Variants in UBE2G1 observed in about 807,000 individuals in gnomAD.
The protein encoded by UBE2G1 is ubiquitin conjugating enzyme E2 G1, also known as ubiquitin-conjugating enzyme E2 G1.
In UBE2G1, 5 loss-of-function variants were observed where a neutral mutation model predicts 22.7. The observed-to-expected ratio is 0.22, with a 90% CI of 0.12 to 0.46. The LOEUF (loss-of-function observed/expected upper bound fraction) is 0.46. UBE2G1 is among the 20% of genes least tolerant of loss of function. The pLI is 0.99. For missense variants in UBE2G1, 88 were observed against 203.9 expected, an observed-to-expected ratio of 0.43 and a Z score of 3.46; for synonymous variants, 74 against 67.5, an observed-to-expected ratio of 1.10 and a Z score of -0.47.
intron 5 of UBE2G1, among the ~76,000 whole-genome samples, chr17:4,274,101 C>T (rs1011820629): frequency 6.6e-6 from 1 of 151,724 alleles, no homozygotes; most frequent in African/African-American, 2.4e-5. Context: ...CTGCCTCAGC[C>T]TCCCGAGTAG....
chr17:4,283,431 T>C (rs890209194), intron 4 of UBE2G1, among the ~76,000 whole-genome samples: 5 of 152,118 alleles, frequency 3.3e-5, no homozygotes, highest in Non-Finnish European at 4.4e-5. Context: ...ACTGGGGAAG[T>C]GGAGCTTGCT....
intron 1 of UBE2G1, among the ~76,000 whole-genome samples, chr17:4,329,810 G>T: frequency 7.4e-6 from 1 of 134,398 alleles, no homozygotes; most frequent in Non-Finnish European, 1.5e-5. Flanking sequence ...TTGCCATTAG[G>T]CTTTTTTAAA....
chr17:4,284,845 T>C (rs1347897693), intron 4 of UBE2G1, among the ~76,000 whole-genome samples: 55 of 97,698 alleles, frequency 5.6e-4, no homozygotes, highest in African/African-American at 1.2e-3. Context: ...TTTCTTTTTT[T>C]TTTTTTTTTT....
chr17:4,291,076 G>A (rs544445123), intron 3 of UBE2G1, among the ~76,000 whole-genome samples: 2 of 152,196 alleles, frequency 1.3e-5, no homozygotes, highest in South Asian at 2.1e-4. Flanking sequence ...GAATAACACC[G>A]AGGGCCGGGC....
chr17:4,317,864 G>A (rs1004350818), intron 1 of UBE2G1, among the ~76,000 whole-genome samples: 1 of 152,156 alleles, frequency 6.6e-6, no homozygotes, highest in Admixed American at 6.5e-5. Context: ...GTCGCAGCAG[G>A]AACTCCTCAC....
intron 1 of UBE2G1, among the ~76,000 whole-genome samples, chr17:4,363,969 A>G (rs2143840908): frequency 7.0e-6 from 1 of 143,658 alleles, no homozygotes; most frequent in East Asian, 2.1e-4. Flanking sequence ...AAAAAAAAAA[A>G]AAAAAAAAGA....
In UBE2G1 at chr17:4,282,986, TATTTTA is replaced by T. The variant is rs1968912916; in HGVS notation, c.427-71_427-66del. 8.5e-6 allele frequency: 11 copies of T among 1,298,098 alleles called. No homozygotes were observed. In the Middle Eastern group the frequency reaches 5.6e-4, roughly 67 times the overall value. 80.4% of individuals were successfully genotyped at this position (1,298,098 alleles called of 1,614,324 possible). ...ACTCCCCTTTATAATCTCAAATATT[TATTTTA>T]ATTTTGAATGTAATCCCTTGGTGAT... On this transcript the variant is annotated intron_variant, in intron 4 of 5. Coordinates refer to ENST00000396981, the MANE Select transcript of UBE2G1 (RefSeq NM_003342.5).
intron 3 of UBE2G1, among the ~76,000 whole-genome samples, chr17:4,295,825 A>G (rs569898721): frequency 6.7e-6 from 1 of 150,066 alleles, no homozygotes; most frequent in South Asian, 2.2e-4. Flanking sequence ...TACAGGGGAG[A>G]GAGTCCAGTG....
intron 1 of UBE2G1, among the ~76,000 whole-genome samples, chr17:4,352,110 T>C (rs1567530175): frequency 2.0e-5 from 3 of 152,026 alleles, no homozygotes; most frequent in East Asian, 1.9e-4. Flanking sequence ...ATTTGACACA[T>C]CCTCAAAAAA....
Position 4,306,896 on chromosome 17 carries a change from C to T in UBE2G1, c.149+125G>A, listed in dbSNP as rs529030358. ...CGAACTCCTGACCTCATGATCGGCCCGCCTTGGCCTCCCAAAGTGCTGGGA... is the reference window on the plus strand; with the variant it reads ...CGAACTCCTGACCTCATGATCGGCCTGCCTTGGCCTCCCAAAGTGCTGGGA... On this transcript the variant is annotated intron_variant, in intron 2 of 5. Coordinates refer to ENST00000396981, the MANE Select transcript of UBE2G1 (RefSeq NM_003342.5). The T allele has an allele frequency of 4.1e-5, 29 of 712,584 alleles. 1 individual carries two copies. The highest frequency in any genetic ancestry group is 5.5e-4 in the Middle Eastern group (2 of 3,646). The allele number at this position is 712,584 out of a possible 1,614,324, so 44.1% of individuals were successfully genotyped here.
At position 4,360,618 on chromosome 17, in the gene UBE2G1, T is replaced by C. The variant is rs1430273917; in HGVS notation, c.46+5653A>G. ...ACATATAATGTGTATTAACAAACTA[T>C]ATAATAAAACTGGCCCGGCGCAGTG... is the stretch of plus-strand genomic sequence containing the variant. On this transcript the variant is annotated intron_variant, in intron 1 of 5. Coordinates refer to ENST00000396981, the MANE Select transcript of UBE2G1 (RefSeq NM_003342.5). 2.0e-5 allele frequency among the ~76,000 whole-genome samples: 3 copies of C among 152,338 alleles called. No homozygotes were observed. The East Asian group carries it at 5.8e-4, about 29-fold the overall frequency.
At chr17:4,303,244 G>C (rs1369058458) in intron 2 of UBE2G1, among the ~76,000 whole-genome samples, 1 of 152,128 alleles carries the variant, frequency 6.6e-6, no homozygotes, top group East Asian at 1.9e-4. Flanking sequence ...TTCTGTTACT[G>C]AGTCCCCTAA....
At chr17:4,337,239 G>C (rs1413860468) in intron 1 of UBE2G1, among the ~76,000 whole-genome samples, 1 of 151,382 alleles carries the variant, frequency 6.6e-6, no homozygotes, top group African/African-American at 2.4e-5. Context: ...TATTTGAGAG[G>C]TTGAGGTGGG....
chr17:4,294,543 G>A (rs1401541654), intron 3 of UBE2G1, among the ~76,000 whole-genome samples: 1 of 152,048 alleles, frequency 6.6e-6, no homozygotes, highest in Non-Finnish European at 1.5e-5. Context: ...CTAGGTGATT[G>A]CTCTCTTTCT....
chr17:4,319,601 G>A (rs1043211897), intron 1 of UBE2G1, among the ~76,000 whole-genome samples: 3 of 152,074 alleles, frequency 2.0e-5, no homozygotes, highest in Non-Finnish European at 4.4e-5. Context: ...TGGACATGGC[G>A]GCAAGCGCCT....
At chr17:4,326,619 A>G (rs893251922) in intron 1 of UBE2G1, among the ~76,000 whole-genome samples, 4 of 152,234 alleles carry the variant, frequency 2.6e-5, no homozygotes, top group South Asian at 2.1e-4. Flanking sequence ...GGGGTCAAAC[A>G]GATGTTTGTA....
At chr17:4,279,816 T>C (rs1968864917) in intron 5 of UBE2G1, among the ~76,000 whole-genome samples, 1 of 24,644 alleles carries the variant, frequency 4.1e-5, no homozygotes, top group African/African-American at 6.7e-5. Context: ...TATATATATA[T>C]ATATATATAT....
chr17:4,356,080 G>C (rs1969903074), intron 1 of UBE2G1, among the ~76,000 whole-genome samples: 1 of 144,248 alleles, frequency 6.9e-6, no homozygotes, highest in Non-Finnish European at 1.5e-5. Context: ...AAAAGGCCAG[G>C]CACGGTGGCT....
intron 3 of UBE2G1, among the ~76,000 whole-genome samples, chr17:4,294,465 GAA>G (rs1177864827): frequency 1.4e-5 from 2 of 143,646 alleles, no homozygotes; most frequent in African/African-American, 5.7e-5. Context: ...GAAAAGAAAA[GAA>G]AAAAAAGTCT....
Sources: allele counts gnomAD v4.1 joint callset (sites outside exome capture counted in the v4.1 genomes callset), GRCh38; gene constraint gnomAD v4.1.1; transcripts MANE v1.5; gene names NCBI Gene and HGNC (gene_info 2026-07-23, HGNC 2026-07-21).